The following TMEM132B variants were observed in gnomAD, a reference collection of about 807,000 sequenced individuals.
TMEM132B encodes the protein transmembrane protein 132B.
Under a neutral mutation model 90.8 loss-of-function variants are expected in TMEM132B, and 18 were observed. The ratio of observed to expected loss-of-function variants is 0.20; its 90% CI spans 0.14 to 0.29. The LOEUF is 0.29. TMEM132B is among the 10% of genes least tolerant of loss of function. The probability of loss-of-function intolerance (pLI) is 1.00; values close to 1 mark genes in which losing one functional copy is unlikely to be tolerated. For missense variants in TMEM132B, 1,096 were observed against 1,326.8 expected (o/e 0.83, Z 2.70); for synonymous variants, 504 against 523.3 (o/e 0.96, Z 0.50).
At chr12:125,190,013 C>T (rs545743710) in intron 1 of TMEM132B, among the ~76,000 whole-genome samples, 17 of 152,206 alleles carry the variant, frequency 1.1e-4, no homozygotes, top group African/African-American at 2.9e-4. Context: ...CCGTGGGTGA[C>T]GGGGGTGCTG....
chr12:125,258,179 A>G (rs1874482678), intron 1 of TMEM132B, among the ~76,000 whole-genome samples: 1 of 152,222 alleles, frequency 6.6e-6, no homozygotes, highest in Admixed American at 6.5e-5. Flanking sequence ...AGGCAGACAA[A>G]TGAGACGGTT....
intron 2 of TMEM132B, among the ~76,000 whole-genome samples, chr12:125,405,727 T>C (rs1879453464): frequency 6.6e-6 from 1 of 152,196 alleles, no homozygotes; most frequent in South Asian, 2.1e-4. Flanking sequence ...TTCGCATTTG[T>C]AAGTCTAGGA....
intron 4 of TMEM132B, among the ~76,000 whole-genome samples, chr12:125,547,752 A>G (rs975462492): frequency 6.6e-6 from 1 of 152,074 alleles, no homozygotes; most frequent in Non-Finnish European, 1.5e-5. Flanking sequence ...GGCAGGATGG[A>G]TTCAGCTCAG....
At chr12:125,242,612 C>T (rs1260221246) in intron 1 of TMEM132B, among the ~76,000 whole-genome samples, 1 of 152,224 alleles carries the variant, frequency 6.6e-6, no homozygotes, top group African/African-American at 2.4e-5. Flanking sequence ...TCCCTCTCCA[C>T]ATTCAGCTGG....
intron 1 of TMEM132B, among the ~76,000 whole-genome samples, chr12:125,266,676 T>G (rs1874704722): frequency 6.6e-6 from 1 of 152,230 alleles, no homozygotes; most frequent in Non-Finnish European, 1.5e-5. Context: ...ACCACACTTG[T>G]AAAAAATGTT....
At chr12:125,332,783 A>C (rs1238784108) in intron 1 of TMEM132B, among the ~76,000 whole-genome samples, 1 of 152,092 alleles carries the variant, frequency 6.6e-6, no homozygotes, top group Non-Finnish European at 1.5e-5. Context: ...AACAGCCACT[A>C]AGACTGGACA....
intron 1 of TMEM132B, among the ~76,000 whole-genome samples, chr12:125,339,858 C>T (rs1342628343): frequency 1.3e-5 from 2 of 152,168 alleles, no homozygotes; most frequent in African/African-American, 4.8e-5. Context: ...AATACAGTCA[C>T]ATTCTGAGGT....
intron 1 of TMEM132B, among the ~76,000 whole-genome samples, chr12:125,307,406 G>A (rs562044682): frequency 4.6e-5 from 7 of 152,262 alleles, no homozygotes; most frequent in African/African-American, 1.7e-4. Context: ...TTTGATTTAA[G>A]TGATTTTCTT....
intron 3 of TMEM132B, among the ~76,000 whole-genome samples, chr12:125,491,061 C>A (rs1882338113): frequency 6.6e-6 from 1 of 152,060 alleles, no homozygotes; most frequent in Admixed American, 6.6e-5. Flanking sequence ...TGGATGACTG[C>A]AGCCCTGGAT....
intron 1 of TMEM132B, among the ~76,000 whole-genome samples, chr12:125,232,914 T>C (rs1429002453): frequency 6.6e-6 from 1 of 152,108 alleles, no homozygotes; most frequent in African/African-American, 2.4e-5. Context: ...GTTGGGAAAA[T>C]CATTTTTTTT....
intron 5 of TMEM132B, among the ~76,000 whole-genome samples, chr12:125,599,704 G>A (rs1229171886): frequency 1.3e-5 from 2 of 152,136 alleles, no homozygotes; most frequent in Non-Finnish European, 2.9e-5. Flanking sequence ...TTAAAGGTTC[G>A]AATGTGTTCT....
intron 5 of TMEM132B, among the ~76,000 whole-genome samples, chr12:125,593,721 G>A (rs1310719719): frequency 6.6e-6 from 1 of 152,010 alleles, no homozygotes; most frequent in Non-Finnish European, 1.5e-5. Flanking sequence ...TTTGATGCTT[G>A]AAAAAATGTC....
chr12:125,562,557 C>T (rs998611930), intron 4 of TMEM132B, among the ~76,000 whole-genome samples: 2 of 152,116 alleles, frequency 1.3e-5, no homozygotes, highest in Non-Finnish European at 2.9e-5. Flanking sequence ...GGGACTCTTC[C>T]GTTCACTTAA....
chr12:125,251,593 G>A lies in TMEM132B; in HGVS notation c.67+64727G>A, dbSNP rs983756816. On this transcript the variant is annotated intron_variant, in intron 1 of 8. Coordinates refer to ENST00000682704, the MANE Select transcript of TMEM132B (RefSeq NM_001366854.1). This position sits in a 1 kb window ranked among gnomAD's most constrained non-coding sequence, Gnocchi z 4.4. The stretch of plus-strand genomic sequence containing the variant: ...ACCTTTCTCTACCATAAGAAAAATA[G>A]CATTATAAACTCAACGAGGCAACTG... 6.6e-5 allele frequency among the ~76,000 whole-genome samples: 10 copies of A among 152,126 alleles called. No individual in the cohort carries two copies. The East Asian group carries it at 1.9e-3, about 29-fold the overall frequency.
At chr12:125,448,964 C>CTTTTTTT (rs368984381) in intron 3 of TMEM132B, among the ~76,000 whole-genome samples, 9 of 124,732 alleles carry the variant, frequency 7.2e-5, no homozygotes, top group Non-Finnish European at 1.2e-4. Context: ...ATTCATATAT[C>CTTTTTTT]TTTTTTTTTT....
At chr12:125,496,724 C>T (rs906864334) in intron 3 of TMEM132B, among the ~76,000 whole-genome samples, 3 of 152,188 alleles carry the variant, frequency 2.0e-5, no homozygotes, top group South Asian at 2.1e-4. Context: ...GTGCTCTTCA[C>T]GTGCTGGGAG....
At chr12:125,627,410 A>ATCTT (rs1343989941) in intron 5 of TMEM132B, among the ~76,000 whole-genome samples, 2 of 152,106 alleles carry the variant, frequency 1.3e-5, no homozygotes, top group Non-Finnish European at 2.9e-5. Flanking sequence ...CTCAGAAGAT[A>ATCTT]CTGAGATGAA....
rs1593134202 is a variant in TMEM132B, at chr12:125,415,508, A to G, written c.960-23A>G. 6.2e-7 allele frequency: 1 copy of G among 1,613,638 alleles called. No homozygotes were observed. Among genetic ancestry groups the G allele is most frequent in the Non-Finnish European group, 8.5e-7 (1 of 1,179,828 alleles). ...CTAAAATGGTTTTATTATATATAAT[A>G]TCATTGTTTTCCCACCCCACAGAAT... On this transcript the variant is annotated intron_variant, in intron 2 of 8. Transcript: ENST00000682704. This position sits in a 1 kb window ranked among gnomAD's most constrained non-coding sequence, Gnocchi z 5.3.
rs925506435 is a variant in TMEM132B, at chr12:125,246,853, T to A, written c.67+59987T>A. Among the ~76,000 whole-genome samples the A allele has an allele frequency of 6.6e-6, 1 of 151,982 alleles. No homozygotes were observed. Among genetic ancestry groups the A allele is most frequent in the Non-Finnish European group, 1.5e-5 (1 of 68,000 alleles). On this transcript the variant is annotated intron_variant, in intron 1 of 8. Transcript: ENST00000682704. The surrounding 1 kb of genome is among the most constrained non-coding windows in gnomAD (Gnocchi z 4.2). ...TTAGGCACTTCCAGTGTCTCTGATG[T>A]GACACCATTTGGGGTTTCAGCATTT...
Sources: allele counts gnomAD v4.1 joint callset (sites outside exome capture counted in the v4.1 genomes callset), GRCh38; gene constraint gnomAD v4.1.1; non-coding constraint Gnocchi (gnomAD v3.1); transcripts MANE v1.5; gene names NCBI Gene and HGNC (gene_info 2026-07-23, HGNC 2026-07-21).